The following KATNAL2 variants were observed in gnomAD, a reference collection of about 807,000 sequenced individuals.
KATNAL2 encodes katanin p60 ATPase-containing subunit A-like 2.
KATNAL2 carries 52 observed loss-of-function variants against 76.3 expected under a neutral mutation model. The ratio of observed to expected loss-of-function variants is 0.68; its 90% CI spans 0.55 to 0.86. The LOEUF (loss-of-function observed/expected upper bound fraction) is 0.86, where lower values mean the gene tolerates loss of function less well. KATNAL2 is among the 40% of genes least tolerant of loss of function. KATNAL2 has a pLI of 0.00. For synonymous variants in KATNAL2, 243 were observed against 244.2 expected (o/e 1.00, Z 0.05); for missense variants, 660 against 668.9 (o/e 0.99, Z 0.15).
chr18:46,924,464 T>C (rs2058668825), intron 1 of KATNAL2, among the ~76,000 whole-genome samples: 1 of 152,204 alleles, frequency 6.6e-6, no homozygotes, highest in Non-Finnish European at 1.5e-5. Context: ...TACCACACTG[T>C]TTTAGTTACT....
At chr18:46,927,377 G>A (rs1413688044) in intron 1 of KATNAL2, among the ~76,000 whole-genome samples, 1 of 152,060 alleles carries the variant, frequency 6.6e-6, no homozygotes, top group African/African-American at 2.4e-5. Context: ...ATTCTGGGTC[G>A]AAAATTCTTT....
chr18:47,058,229 C>T lies in KATNAL2; in HGVS notation c.333-6C>T. The T allele has an allele frequency of 1.3e-6, 2 of 1,594,194 alleles. No homozygotes were observed. The highest frequency in any genetic ancestry group is 1.7e-6 in the Non-Finnish European group (2 of 1,161,850). On this transcript the variant is annotated splice_region_variant and splice_polypyrimidine_tract_variant and intron_variant, in intron 6 of 17. Transcript: ENST00000683218. ...TTTCTTCCAAGGTCTTTGTTCCCTC[C>T]CTTAGGATGATGAACGACAGTTGTC...
chr18:46,917,640 G>T lies in KATNAL2; in HGVS notation c.-796G>T. On this transcript the variant is annotated 5_prime_UTR_variant, in exon 1 of 18. Coordinates refer to ENST00000683218, the MANE Select transcript of KATNAL2 (RefSeq NM_001387690.1). ...ACAGCGCCCGCCCGCGCCTGCCCCG[G>T]CGTGCTGCCCCGCGGCTTGGCCCCG... 1.2e-6 allele frequency: 1 copy of T among 814,596 alleles called. No homozygotes were observed. The highest frequency in any genetic ancestry group is 1.5e-6 in the Non-Finnish European group (1 of 670,716). 50.5% of individuals were successfully genotyped at this position (814,596 alleles called of 1,614,324 possible).
intron 3 of KATNAL2, among the ~76,000 whole-genome samples, chr18:46,948,748 A>G (rs2059458565): frequency 6.6e-6 from 1 of 152,000 alleles, no homozygotes; most frequent in African/African-American, 2.4e-5. Context: ...TACTATCTAT[A>G]TACCAAAAAC....
At chr18:47,031,997 G>C (rs927204284) in intron 3 of KATNAL2, among the ~76,000 whole-genome samples, 7 of 152,292 alleles carry the variant, frequency 4.6e-5, no homozygotes, top group African/African-American at 1.7e-4. Flanking sequence ...GCTAGCAGAC[G>C]TCCGTGTGAT....
At chr18:47,066,847 T>TTTTATA (rs1319765780) in intron 10 of KATNAL2, among the ~76,000 whole-genome samples, 174 bp from the exon 11 acceptor site, 1 of 29,596 alleles carries the variant, frequency 3.4e-5, no homozygotes, top group Non-Finnish European at 6.5e-5. Context: ...ATATATGTGT[T>TTTTATA]TATATATATA....
intron 15 of KATNAL2, among the ~76,000 whole-genome samples, chr18:47,094,169 T>A (rs1449272193): frequency 6.6e-6 from 1 of 152,174 alleles, no homozygotes; most frequent in East Asian, 1.9e-4. Flanking sequence ...GAAGACACAT[T>A]GTTTCCCCCT....
chr18:47,032,941 C>G, intron 3 of KATNAL2: 1 of 1,611,826 alleles, frequency 6.2e-7, no homozygotes, highest in Admixed American at 1.7e-5. Context: ...GTTCCCCAAC[C>G]CGCATTGACT....
chr18:47,062,307 C>T (rs1231591408), intron 8 of KATNAL2, among the ~76,000 whole-genome samples: 1 of 151,586 alleles, frequency 6.6e-6, no homozygotes, highest in African/African-American at 2.4e-5. Flanking sequence ...TCCCTTGAGC[C>T]CAGAAGTTTA....
chr18:46,956,629 G>A (rs1266688012), intron 3 of KATNAL2, among the ~76,000 whole-genome samples: 1 of 152,184 alleles, frequency 6.6e-6, no homozygotes, highest in Non-Finnish European at 1.5e-5. Context: ...CCAGTAGACT[G>A]TAGGCTCCTT....
chr18:47,075,381 G>C lies in KATNAL2; in HGVS notation c.1100+13G>C. On this transcript the variant is annotated intron_variant, in intron 14 of 17. Transcript: ENST00000683218. ...GCACAGCTTCTGGGTAACAGACAGG[G>C]TTGGGGTTTTTGTTGTTGTTGTTTT... The C allele has an allele frequency of 6.7e-7, 1 of 1,487,506 alleles. No homozygotes were observed. The highest frequency in any genetic ancestry group is 2.7e-5 in the East Asian group (1 of 37,710). 92.1% of individuals were successfully genotyped at this position (1,487,506 alleles called of 1,614,324 possible). A position where few individuals can be genotyped will look rare whatever the true frequency, so the allele number is the denominator to read the frequency against.
chr18:47,064,091 T>C lies in KATNAL2; in HGVS notation c.726+730T>C, dbSNP rs550442341. 5.9e-4 allele frequency among the ~76,000 whole-genome samples: 90 copies of C among 152,284 alleles called. 2 individuals are homozygous for C. The highest frequency in any genetic ancestry group is 4.1e-3 in the Admixed American group (63 of 15,302). The stretch of plus-strand genomic sequence containing the variant: ...TGAGAAGCTAAGGGCTCCTGAGCTG[T>C]CTCTGTTCAGCTCAGCAGTTGTTTC... On this transcript the variant is annotated intron_variant, in intron 10 of 17. Coordinates refer to ENST00000683218, the MANE Select transcript of KATNAL2 (RefSeq NM_001387690.1).
chr18:46,922,613 G>C (rs2058602280), intron 1 of KATNAL2, among the ~76,000 whole-genome samples: 1 of 151,894 alleles, frequency 6.6e-6, no homozygotes, highest in Non-Finnish European at 1.5e-5. Context: ...GACCAACGTG[G>C]TGAAACCTCA....
chr18:46,941,994 G>C (rs1269368992), intron 1 of KATNAL2, among the ~76,000 whole-genome samples: 2 of 152,074 alleles, frequency 1.3e-5, no homozygotes, highest in Admixed American at 6.6e-5. Context: ...AACTAATTCC[G>C]ATTGGCTAAT....
At chr18:47,090,258 C>G (rs530915013) in intron 15 of KATNAL2, among the ~76,000 whole-genome samples, 1 of 152,188 alleles carries the variant, frequency 6.6e-6, no homozygotes, top group Admixed American at 6.5e-5. Flanking sequence ...AGTTGCCCAC[C>G]ACCATGCCCA....
rs1198768095 is a variant in KATNAL2, at chr18:47,067,014, A to G, written c.727-7A>G. On this transcript the variant is annotated splice_region_variant and splice_polypyrimidine_tract_variant and intron_variant, in intron 10 of 17. Coordinates refer to ENST00000683218, the MANE Select transcript of KATNAL2 (RefSeq NM_001387690.1). ...GTTTTAAAAAAATGATCAAATGTGCATTGCAGGACATTTATCTCCATAATC... is the reference window on the plus strand; with the variant it reads ...GTTTTAAAAAAATGATCAAATGTGCGTTGCAGGACATTTATCTCCATAATC... The G allele has an allele frequency of 1.9e-6, 3 of 1,543,192 alleles. No individual in the cohort carries two copies. The highest frequency in any genetic ancestry group is 2.7e-6 in the Non-Finnish European group (3 of 1,124,160).
intron 1 of KATNAL2, among the ~76,000 whole-genome samples, chr18:46,943,429 C>T (rs1255661790): frequency 6.6e-6 from 1 of 152,120 alleles, no homozygotes; most frequent in Non-Finnish European, 1.5e-5. Context: ...AAACAGGTTG[C>T]AGTAAAGAAG....
At chr18:47,066,850 TA>T (rs2061817181) in intron 10 of KATNAL2, among the ~76,000 whole-genome samples, 170 bp from the exon 11 acceptor site, 2 of 25,554 alleles carry the variant, frequency 7.8e-5, no homozygotes, top group Admixed American at 3.7e-4. Context: ...TATGTGTTTA[TA>T]TATATATATA....
intron 1 of KATNAL2, among the ~76,000 whole-genome samples, chr18:46,937,965 G>A (rs1364644554): frequency 6.6e-6 from 1 of 152,020 alleles, no homozygotes; most frequent in Non-Finnish European, 1.5e-5. Flanking sequence ...GCATGGTGGT[G>A]CACACCTGTA....
Sources: gnomAD v4.1 joint callset for allele counts (sites outside exome capture counted in the v4.1 genomes callset) on GRCh38, gnomAD v4.1.1 for gene constraint, MANE v1.5 for transcripts, NCBI Gene and HGNC (gene_info 2026-07-23, HGNC 2026-07-21) for gene names.